Variants in GTF2A1L observed in about 807,000 individuals in gnomAD.
GTF2A1L encodes the protein general transcription factor IIA subunit 1 like.
GTF2A1L carries 48 observed loss-of-function variants against 49.7 expected under a neutral mutation model. That is an observed-to-expected ratio of 0.97 (90% confidence interval 0.77 to 1.23). GTF2A1L has a LOEUF of 1.23. GTF2A1L is among the 50% of genes most tolerant of loss of function. The pLI is 0.00. For missense variants in GTF2A1L, 736 were observed against 564.8 expected (o/e 1.30, Z -3.07); for synonymous variants, 246 against 193.5 (o/e 1.27, Z -2.25).
intron 3 of GTF2A1L, among the ~76,000 whole-genome samples, chr2:48,628,086 A>G (rs1302545408): frequency 6.9e-6 from 1 of 144,212 alleles, no homozygotes; most frequent in Non-Finnish European, 1.6e-5. Flanking sequence ...ATAGTGTTCC[A>G]TGGTGTATAT....
intron 3 of GTF2A1L, chr2:48,632,958 A>T: frequency 4.6e-6 from 1 of 218,912 alleles, no homozygotes; most frequent in Non-Finnish European, 9.7e-6. Flanking sequence ...TTTACTGGTA[A>T]AAAACTGGTA....
chr2:48,622,060 C>T (rs1676032099), intron 3 of GTF2A1L, among the ~76,000 whole-genome samples: 1 of 152,104 alleles, frequency 6.6e-6, no homozygotes, highest in South Asian at 2.1e-4. Flanking sequence ...GAGTAGTCTG[C>T]AAGAAGTGAG....
chr2:48,666,269 G>A lies in GTF2A1L; in HGVS notation c.979-3453G>A, dbSNP rs775804418. ...CACCCAGGCTGGAGTGCAGTGGCGCGATCTCAGCTCACTGCAACCTCTGCC... is the reference window on the plus strand; with the variant it reads ...CACCCAGGCTGGAGTGCAGTGGCGCAATCTCAGCTCACTGCAACCTCTGCC... On this transcript the variant is annotated intron_variant, in intron 6 of 8. Coordinates refer to ENST00000403751, the MANE Select transcript of GTF2A1L (RefSeq NM_006872.5). Among the ~76,000 whole-genome samples, 10 of 151,362 alleles carry A rather than the reference G, an allele frequency of 6.6e-5. No individual in the cohort carries two copies. The East Asian group carries it at 1.2e-3, about 18-fold the overall frequency.
chr2:48,619,856 G>C (rs1346782161), intron 1 of GTF2A1L, among the ~76,000 whole-genome samples: 1 of 152,176 alleles, frequency 6.6e-6, no homozygotes, highest in Non-Finnish European at 1.5e-5. Context: ...GTCATGGCAT[G>C]TTTGACTAGG....
chr2:48,655,475 G>A (rs1372159028), intron 6 of GTF2A1L, among the ~76,000 whole-genome samples: 2 of 151,978 alleles, frequency 1.3e-5, no homozygotes, highest in African/African-American at 4.8e-5. Context: ...ATAGACGTAT[G>A]AGCCACCATG....
intron 6 of GTF2A1L, among the ~76,000 whole-genome samples, chr2:48,665,925 G>C (rs1678816379): frequency 1.3e-5 from 2 of 151,918 alleles, no homozygotes; most frequent in South Asian, 4.2e-4. Context: ...TGTAATTTTA[G>C]ATTTGTCTAT....
intron 7 of GTF2A1L, among the ~76,000 whole-genome samples, chr2:48,670,926 T>C (rs7572902): frequency 0.22 from 33,344 of 151,672 alleles, 3,714 homozygotes; most frequent in South Asian, 0.25. Context: ...TGGGTTCAAA[T>C]GATTCTTATG....
At chr2:48,630,426 T>G (rs1374816623) in intron 3 of GTF2A1L, among the ~76,000 whole-genome samples, 2 of 144,074 alleles carry the variant, frequency 1.4e-5, no homozygotes, top group African/African-American at 4.9e-5. Context: ...GCTTGAACGT[T>G]GTTGGTGTAA....
intron 7 of GTF2A1L, among the ~76,000 whole-genome samples, 187 bp from the exon 8 acceptor site, chr2:48,671,404 A>G (rs148300694): frequency 6.4e-4 from 97 of 152,118 alleles, no homozygotes; most frequent in African/African-American, 2.3e-3. Context: ...GGATTTCACC[A>G]TGTTGCCCAA....
chr2:48,635,105 C>T (rs1676814688), intron 3 of GTF2A1L, among the ~76,000 whole-genome samples: 1 of 152,112 alleles, frequency 6.6e-6, no homozygotes, highest in Admixed American at 6.5e-5. Flanking sequence ...TCTGCCTGGG[C>T]ATGGAGTGGA....
chr2:48,628,335 C>A (rs1003178969), intron 3 of GTF2A1L, among the ~76,000 whole-genome samples: 2 of 144,288 alleles, frequency 1.4e-5, no homozygotes, highest in African/African-American at 4.9e-5. Context: ...AATTTACATT[C>A]CCACCAACAG....
At chr2:48,655,201 A>G (rs1404055) in intron 6 of GTF2A1L, among the ~76,000 whole-genome samples, 148,623 of 152,102 alleles carry the variant, frequency 0.98, 72,636 homozygotes, top group East Asian at 1. Flanking sequence ...TATACATATT[A>G]TACATATTCT....
At chr2:48,660,862 A>G (rs963263846) in intron 6 of GTF2A1L, among the ~76,000 whole-genome samples, 2 of 152,120 alleles carry the variant, frequency 1.3e-5, no homozygotes, top group Non-Finnish European at 2.9e-5. Flanking sequence ...GCTGGTCTCT[A>G]ACTCCTGGCC....
chr2:48,617,891 C>T lies in GTF2A1L; in HGVS notation c.17C>T (p.Pro6Leu), dbSNP rs1046167503. 3.2e-6 allele frequency: 5 copies of T among 1,551,728 alleles called. No homozygotes were observed. Among genetic ancestry groups the T allele is most frequent in the Admixed American group, 3.9e-5 (2 of 50,984 alleles). MACLN[P>L]VPKLYRSVIE... Reference sequence around the variant, plus strand: ...GGTGCTGTCATGGCCTGCCTCAACCCGGTGGTAAGGAAGACCTCAGGCTCT... The same window carrying T: ...GGTGCTGTCATGGCCTGCCTCAACCTGGTGGTAAGGAAGACCTCAGGCTCT... The change falls in exon 1 of 9, where the codon CCG becomes CTG. Residue 6 changes from proline to leucine, a missense_variant. Physicochemically the swap from Pro to Leu is moderately conservative, Grantham distance 98. Transcript: ENST00000403751.
rs1410767022 is a variant in GTF2A1L, at chr2:48,628,565, A to T, written c.247+7275A>T. On this transcript the variant is annotated intron_variant, in intron 3 of 8. Coordinates refer to ENST00000403751, the MANE Select transcript of GTF2A1L (RefSeq NM_006872.5). ...CTTTTGCCCACTTTTTAATGGGGTTATTTGATTTTTTGTGAATTGTTTTAA... is the reference window on the plus strand; with the variant it reads ...CTTTTGCCCACTTTTTAATGGGGTTTTTTGATTTTTTGTGAATTGTTTTAA... 2.8e-5 allele frequency among the ~76,000 whole-genome samples: 4 copies of T among 143,362 alleles called. 1 individual carries two copies. The highest frequency in any genetic ancestry group is 2.1e-4 in the Admixed American group (3 of 14,158). 94.1% of individuals were successfully genotyped at this position (143,362 alleles called of 152,430 possible). A position where few individuals can be genotyped will look rare whatever the true frequency, so the allele number is the denominator to read the frequency against.
At chr2:48,666,740 A>G (rs969361730) in intron 6 of GTF2A1L, among the ~76,000 whole-genome samples, 3 of 151,590 alleles carry the variant, frequency 2.0e-5, no homozygotes, top group African/African-American at 4.9e-5. Context: ...TGTGGTTTTT[A>G]TTGTTAGAAT....
At chr2:48,668,142 A>G (rs1274454578) in intron 6 of GTF2A1L, among the ~76,000 whole-genome samples, 4 of 152,162 alleles carry the variant, frequency 2.6e-5, no homozygotes, top group Non-Finnish European at 5.9e-5. Flanking sequence ...GTGGAATCAT[A>G]TAATATTTGT....
At chr2:48,636,043 G>A (rs1024112173) in intron 3 of GTF2A1L, among the ~76,000 whole-genome samples, 3 of 152,184 alleles carry the variant, frequency 2.0e-5, no homozygotes, top group Non-Finnish European at 2.9e-5. Context: ...CCATCACAGT[G>A]GCTGTTTGGC....
intron 6 of GTF2A1L, among the ~76,000 whole-genome samples, chr2:48,669,376 T>C (rs1459069018): frequency 6.6e-6 from 1 of 152,206 alleles, no homozygotes; most frequent in Non-Finnish European, 1.5e-5. Flanking sequence ...TCTATTTCAT[T>C]GAATTACTGT....
Sources: allele counts gnomAD v4.1 joint callset (sites outside exome capture counted in the v4.1 genomes callset), GRCh38; gene constraint gnomAD v4.1.1; transcripts MANE v1.5; gene names NCBI Gene and HGNC (gene_info 2026-07-23, HGNC 2026-07-21).